The following ZNF677 variants were observed in gnomAD, a reference collection of about 807,000 sequenced individuals.
The protein encoded by ZNF677 is hypothetical protein MGC48625.
ZNF677 carries 5 observed loss-of-function variants against 8.1 expected under a neutral mutation model. The observed-to-expected ratio is 0.62, with a 90% CI of 0.32 to 1.29. The LOEUF (loss-of-function observed/expected upper bound fraction) is 1.29, where lower values mean the gene tolerates loss of function less well. Ranked by LOEUF, ZNF677 falls within the 50% of genes most tolerant of loss-of-function variation. The probability of loss-of-function intolerance (pLI) is 0.05; values close to 1 mark genes in which losing one functional copy is unlikely to be tolerated. For synonymous variants in ZNF677, 221 were observed against 225.6 expected (o/e 0.98, Z 0.18); for missense variants, 685 against 685.9 (o/e 1.00, Z 0.01).
At chr19:53,251,941 A>C (rs1343540998) in intron 2 of ZNF677, among the ~76,000 whole-genome samples, 1 of 152,170 alleles carries the variant, frequency 6.6e-6, no homozygotes, top group African/African-American at 2.4e-5. Context: ...CAGGATATAA[A>C]AGCCTAAAAT....
chr19:53,247,709 C>T (rs1402138864), intron 3 of ZNF677, among the ~76,000 whole-genome samples: 1 of 151,916 alleles, frequency 6.6e-6, no homozygotes, highest in Non-Finnish European at 1.5e-5. Flanking sequence ...ATGGATTAAC[C>T]CCAATATTTA....
Position 53,236,996 on chromosome 19 carries a change from TTTTGTCTCATTATA to T in ZNF677, c.1717_1730del (p.Tyr573AsnfsTer2). ...GCTAGGTACAGCTTGAATACTTAAT[TTTTGTCTCATTATA>T]TTTGATATGTTTTTCTCTATTATAA... On this transcript the variant is annotated frameshift_variant, in exon 5 of 5. Transcript: ENST00000598513. LOFTEE classifies it low-confidence loss of function (END_TRUNC). 2 of 1,570,260 alleles carry T rather than the reference TTTTGTCTCATTATA, an allele frequency of 1.3e-6. No individual in the cohort carries two copies. Among genetic ancestry groups the T allele is most frequent in the Non-Finnish European group, 1.7e-6 (2 of 1,163,702 alleles).
Position 53,237,043 on chromosome 19 carries a change from G to GA in ZNF677, c.1683dup (p.Gln562SerfsTer5). On this transcript the variant is annotated frameshift_variant, in exon 5 of 5. Coordinates refer to ENST00000598513, the MANE Select transcript of ZNF677 (RefSeq NM_182609.4). LOFTEE classifies it low-confidence loss of function (END_TRUNC). ...TGTTTTTCTCTATTATAACTTTTTT[G>GA]ATGATCTCCAAGGTTTGAACTTTGG... 1 of 1,601,442 alleles carries GA rather than the reference G, an allele frequency of 6.2e-7. No individual in the cohort carries two copies. The highest frequency in any genetic ancestry group is 1.7e-4 in the Middle Eastern group (1 of 5,944).
intron 2 of ZNF677, 119 bp from the exon 3 acceptor site, chr19:53,251,724 C>T: frequency 1.5e-6 from 1 of 655,366 alleles, no homozygotes; most frequent in Non-Finnish European, 2.5e-6. Flanking sequence ...CCAATTGCAA[C>T]AAGAGTGAAA....
Position 53,238,145 on chromosome 19 carries a change from G to A in ZNF677, c.582C>T (p.Ser194=). The part of the protein sequence containing the change: ...VKCFENKIGL[S]LQAQLAELQR... The stretch of plus-strand genomic sequence containing the variant: ...GTAGTTCAGCCAGCTGTGCCTGTAA[G>A]CTTAATCCAATTTTATTTTCAAAAC... Residue 194 remains serine (S), a synonymous_variant, in exon 5 of 5, where the codon AGC becomes AGT. Transcript: ENST00000598513. 1 of 1,613,442 alleles carries A rather than the reference G, an allele frequency of 6.2e-7. No homozygotes were observed. Among genetic ancestry groups the A allele is most frequent in the Non-Finnish European group, 8.5e-7 (1 of 1,179,682 alleles).
intron 3 of ZNF677, among the ~76,000 whole-genome samples, chr19:53,250,370 A>T (rs1282550252): frequency 6.6e-6 from 1 of 152,198 alleles, no homozygotes; most frequent in African/African-American, 2.4e-5. Flanking sequence ...GAACATACAC[A>T]TACGTGCATA....
chr19:53,254,070 G>A (rs1300098690), intron 1 of ZNF677, among the ~76,000 whole-genome samples: 5 of 152,162 alleles, frequency 3.3e-5, no homozygotes, highest in Non-Finnish European at 7.3e-5. Context: ...TCACACCGTA[G>A]TTTTGCAATT....
At position 53,251,557 on chromosome 19, in the gene ZNF677, C is replaced by T; in HGVS notation, c.-7G>A. ...TTACCTGAGAAAGAGCCATTCCCTC[C>T]TCTTCTTTCTTTCCTCTTCCTCTGA... On this transcript the variant is annotated 5_prime_UTR_variant, in exon 3 of 5. Transcript: ENST00000598513. The T allele has an allele frequency of 6.2e-7, 1 of 1,613,806 alleles. No individual in the cohort carries two copies. The highest frequency in any genetic ancestry group is 8.5e-7 in the Non-Finnish European group (1 of 1,179,754).
chr19:53,251,495 A>G lies in ZNF677; in HGVS notation c.15+41T>C, dbSNP rs374002530. 9 of 1,564,942 alleles carry G rather than the reference A, an allele frequency of 5.8e-6. No individual in the cohort carries two copies. In the African/African-American group the frequency reaches 6.8e-5, roughly 12 times the overall value. ...CAAGTCCAAAATATGGCATTTCAGG[A>G]AGGAGAGGACAAAACAGTGAACCAA... On this transcript the variant is annotated intron_variant, in intron 3 of 4. Coordinates refer to ENST00000598513, the MANE Select transcript of ZNF677 (RefSeq NM_182609.4).
intron 4 of ZNF677, chr19:53,241,464 G>A (rs569974498): frequency 1.6e-5 from 3 of 187,334 alleles, no homozygotes; most frequent in East Asian, 1.2e-4. Context: ...ACAACTGCAC[G>A]TATGGGATGA....
rs553419833 is a variant in ZNF677 at position 53,237,316 on chromosome 19, G to A, written c.1411C>T (p.Arg471Cys). 1.3e-5 allele frequency: 21 copies of A among 1,613,430 alleles called. No homozygotes were observed. The highest frequency in any genetic ancestry group is 8.0e-5 in the African/African-American group (6 of 74,916). The stretch of plus-strand genomic sequence containing the variant: ...CTCTGATGACCCCAAAGGTGTGAAC[G>A]TTTGATAAAAGCTTTATCACATTTA... ...CNKCDKAFIK[R>C]SHLWGHQRTH... is the part of the protein sequence containing the mutation. Residue 471 changes from arginine (R) to cysteine (C), a missense_variant, in exon 5 of 5, where the codon CGT (arginine) becomes TGT (cysteine). Transcript: ENST00000598513.
At position 53,237,215 on chromosome 19, in the gene ZNF677, CTGAG is replaced by C. The variant is rs1337339321; in HGVS notation, c.1508_1511del (p.Thr503SerfsTer109). The stretch of plus-strand genomic sequence containing the variant: ...TCTCTCCAGTATGGATTTTCTTATG[CTGAG>C]TAAGATTTGAACGTTCAGTAAAGGC... On this transcript the variant is annotated frameshift_variant, in exon 5 of 5. Coordinates refer to ENST00000598513, the MANE Select transcript of ZNF677 (RefSeq NM_182609.4). LOFTEE classifies it low-confidence loss of function (END_TRUNC). 5.0e-6 allele frequency: 8 copies of C among 1,611,878 alleles called. No individual in the cohort carries two copies. In the East Asian group the frequency reaches 6.7e-5, roughly 13 times the overall value.
In ZNF677 at chr19:53,248,414, A is replaced by G. The variant is rs561144985; in HGVS notation, c.15+3122T>C. 3.9e-5 allele frequency among the ~76,000 whole-genome samples: 6 copies of G among 152,288 alleles called. No individual in the cohort carries two copies. In the South Asian group the frequency reaches 6.2e-4, roughly 16 times the overall value. ...CTACGTAGGTGTTTTACCTGTATTA[A>G]TTTGTTTTTATGGCTTTAAGGTACT... On this transcript the variant is annotated intron_variant, in intron 3 of 4. Coordinates refer to ENST00000598513, the MANE Select transcript of ZNF677 (RefSeq NM_182609.4).
At chr19:53,248,329 T>A (rs1193438254) in intron 3 of ZNF677, among the ~76,000 whole-genome samples, 1 of 152,244 alleles carries the variant, frequency 6.6e-6, no homozygotes, top group Non-Finnish European at 1.5e-5. Flanking sequence ...TTATACATTT[T>A]TAAATCATAT....
Position 53,237,261 on chromosome 19 carries a change from C to T in ZNF677, c.1466G>A (p.Cys489Tyr), listed in dbSNP as rs755532570. 4 of 1,613,746 alleles carry T rather than the reference C, an allele frequency of 2.5e-6. No homozygotes were observed. The highest frequency in any genetic ancestry group is 1.1e-5 in the South Asian group (1 of 91,062). The change falls in exon 5 of 5, where the codon TGT (cysteine) becomes TAT (tyrosine). Residue 489 changes from cysteine (C) to tyrosine (Y), a missense_variant. By Grantham distance (194) the Cys-to-Tyr change is radical. Transcript: ENST00000598513. ...RTHTGEKPYK[C>Y]TECGKAFTER... ...AGTAAAGGCTTTGCCACATTCAGTA[C>T]ATTTGTAAGGTTTCTCTCCAGTATG... is the stretch of plus-strand genomic sequence containing the variant.
Position 53,238,276 on chromosome 19 carries a change from T to C in ZNF677, c.451A>G (p.Ile151Val), listed in dbSNP as rs760234207. 2.7e-5 allele frequency: 44 copies of C among 1,613,986 alleles called. No individual in the cohort carries two copies. The Middle Eastern group carries it at 9.9e-4, about 36-fold the overall frequency. Residue 151 changes from isoleucine (I) to valine (V), a missense_variant, in exon 5 of 5, where the codon ATA (isoleucine) becomes GTA (valine). Transcript: ENST00000598513. ...IHFSLKQSVSIRDSAHQYFIH... is the reference protein window; with the variant it reads ...IHFSLKQSVSVRDSAHQYFIH... ...AAATACTGGTGTGCACTATCTCTTATAGAAACACTCTGCTTTAAAGAGAAA... is the reference window on the plus strand; with the variant it reads ...AAATACTGGTGTGCACTATCTCTTACAGAAACACTCTGCTTTAAAGAGAAA...
chr19:53,235,595 T>A lies in ZNF677; in HGVS notation c.*1377A>T, dbSNP rs933266423. The A allele has an allele frequency of 1.3e-5, 2 of 152,184 alleles. No homozygotes were observed. The highest frequency in any genetic ancestry group is 6.5e-5 in the Admixed American group (1 of 15,280). The allele number at this position is 152,184 out of a possible 1,614,324, so 9.4% of individuals were successfully genotyped here. ...CCTATCTATGTTCAATAATCTGTGA[T>A]ATGCAACAGTAACTACCTTTCAAGA... On this transcript the variant is annotated 3_prime_UTR_variant, in exon 5 of 5. Transcript: ENST00000598513.
At chr19:53,248,939 T>C (rs2146963063) in intron 3 of ZNF677, among the ~76,000 whole-genome samples, 1 of 152,318 alleles carries the variant, frequency 6.6e-6, no homozygotes, top group East Asian at 1.9e-4. Flanking sequence ...TACATACATA[T>C]GCTTCATGGT....
At position 53,237,042 on chromosome 19, in the gene ZNF677, T is replaced by C. The variant is rs748357570; in HGVS notation, c.1685A>G (p.Gln562Arg). Residue 562 changes from glutamine to arginine, a missense_variant, in exon 5 of 5, where the codon CAA becomes CGA. Coordinates refer to ENST00000598513, the MANE Select transcript of ZNF677 (RefSeq NM_182609.4). ...LFQSSNLGDH[Q>R]KSYNREKHIK... ...ATGTTTTTCTCTATTATAACTTTTT[T>C]GATGATCTCCAAGGTTTGAACTTTG... is the stretch of plus-strand genomic sequence containing the variant. 5.0e-6 allele frequency: 8 copies of C among 1,603,830 alleles called. No homozygotes were observed. Among genetic ancestry groups the C allele is most frequent in the Non-Finnish European group, 6.8e-6 (8 of 1,177,116 alleles).
Sources: gnomAD v4.1 joint callset for allele counts (sites outside exome capture counted in the v4.1 genomes callset) on GRCh38, gnomAD v4.1.1 for gene constraint, MANE v1.5 for transcripts, NCBI Gene and HGNC (gene_info 2026-07-23, HGNC 2026-07-21) for gene names.